The following OR2L13 variants were observed in gnomAD, a reference collection of about 807,000 sequenced individuals.
OR2L13 encodes the protein olfactory receptor 2L13.
OR2L13 carries 14 observed loss-of-function variants against 15.3 expected under a neutral mutation model. That is an observed-to-expected ratio of 0.91 (90% CI 0.60 to 1.43). The LOEUF is 1.43. Ranked by LOEUF, OR2L13 falls within the 40% of genes most tolerant of loss-of-function variation. The pLI, the probability that OR2L13 is intolerant of heterozygous loss-of-function variation, is 0.00. For synonymous variants in OR2L13, 152 were observed against 142.9 expected (o/e 1.06, Z -0.45); for missense variants, 367 against 387.9 (o/e 0.95, Z 0.45).
the OR2L13 span, among the ~76,000 whole-genome samples, chr1:248,008,426 G>GT: frequency 5.9e-5 from 9 of 152,012 alleles, no homozygotes; most frequent in African/African-American, 2.2e-4. Flanking sequence ...CAGCTTATGT[G>GT]TTTTTTTCTC....
At chr1:248,069,788 G>C in the OR2L13 span, among the ~76,000 whole-genome samples, 1 of 151,948 alleles carries the variant, frequency 6.6e-6, no homozygotes, top group Non-Finnish European at 1.5e-5. Flanking sequence ...AGATCTACCA[G>C]GGAAATGGAA....
chr1:248,038,495 T>A, the OR2L13 span: 1 of 1,613,970 alleles, frequency 6.2e-7, no homozygotes, highest in East Asian at 2.2e-5. Context: ...TCTCCACCAT[T>A]GTTCCAAAGA....
the OR2L13 span, among the ~76,000 whole-genome samples, chr1:248,028,138 C>A: frequency 1.8e-5 from 1 of 57,124 alleles, no homozygotes; most frequent in Non-Finnish European, 2.8e-5. Flanking sequence ...GAGATTCCGT[C>A]TCAAAAAAAA....
At chr1:247,985,769 C>T in the OR2L13 span, among the ~76,000 whole-genome samples, 1 of 151,714 alleles carries the variant, frequency 6.6e-6, no homozygotes, top group Non-Finnish European at 1.5e-5. Context: ...TCTCCAGCAC[C>T]TGTTGTTTCC....
At chr1:248,012,453 T>C in the OR2L13 span, among the ~76,000 whole-genome samples, 1 of 152,168 alleles carries the variant, frequency 6.6e-6, no homozygotes, top group African/African-American at 2.4e-5. Context: ...AAAGTCTTTC[T>C]TTCATACAGA....
chr1:248,022,203 T>C, the OR2L13 span: 1 of 1,614,138 alleles, frequency 6.2e-7, no homozygotes, highest in Non-Finnish European at 8.5e-7. Flanking sequence ...TGATTTTCTG[T>C]ATGGAAACAA....
the OR2L13 span, among the ~76,000 whole-genome samples, chr1:247,999,169 CA>C: frequency 1.3e-5 from 2 of 152,266 alleles, no homozygotes; most frequent in East Asian, 3.9e-4. Context: ...CATTCATCAA[CA>C]AAAGCTTACA....
chr1:247,979,496 C>T, the OR2L13 span, among the ~76,000 whole-genome samples: 1 of 152,076 alleles, frequency 6.6e-6, no homozygotes, highest in Non-Finnish European at 1.5e-5. Context: ...TGAACTCATC[C>T]TTTTTTATAG....
chr1:248,018,562 C>G, the OR2L13 span, among the ~76,000 whole-genome samples: 3 of 152,056 alleles, frequency 2.0e-5, no homozygotes, highest in African/African-American at 7.2e-5. Context: ...GGCTCAGAAA[C>G]TTGTAGGAAT....
the OR2L13 span, among the ~76,000 whole-genome samples, chr1:247,994,217 A>G: frequency 0.028 from 4,268 of 151,992 alleles, 168 homozygotes; most frequent in African/African-American, 0.098. Flanking sequence ...TAACACGGTG[A>G]AAACCCCGTC....
At chr1:248,033,609 G>GTT in the OR2L13 span, among the ~76,000 whole-genome samples, 5 of 136,188 alleles carry the variant, frequency 3.7e-5, no homozygotes, top group African/African-American at 1.3e-4. Flanking sequence ...GCTAATTTTT[G>GTT]TTTTTTTTTT....
the OR2L13 span, among the ~76,000 whole-genome samples, chr1:248,013,039 T>A: frequency 6.6e-6 from 1 of 151,728 alleles, no homozygotes; most frequent in Non-Finnish European, 1.5e-5. Context: ...TAAGAGAAAA[T>A]TGTTTTAAAA....
chr1:248,069,088 G>C, the OR2L13 span, among the ~76,000 whole-genome samples: 18 of 152,250 alleles, frequency 1.2e-4, no homozygotes, highest in African/African-American at 4.1e-4. Flanking sequence ...AATCTAGCAA[G>C]GCAGGCCAAA....
At chr1:248,015,899 A>C in the OR2L13 span, among the ~76,000 whole-genome samples, 1 of 152,178 alleles carries the variant, frequency 6.6e-6, no homozygotes, top group South Asian at 2.1e-4. Flanking sequence ...AACTGAGGAA[A>C]ATATAGGGAA....
At chr1:248,004,888 G>T in the OR2L13 span, among the ~76,000 whole-genome samples, 2 of 152,228 alleles carry the variant, frequency 1.3e-5, no homozygotes, top group Middle Eastern at 3.4e-3. Flanking sequence ...TGGGTCTGTT[G>T]TCAAAAATCA....
upstream of OR2L13, among the ~76,000 whole-genome samples, chr1:248,096,045 C>T (rs1664731176): frequency 6.6e-6 from 1 of 152,062 alleles, no homozygotes. Context: ...CATCAGGAAA[C>T]TCTCTGCTGC....
chr1:248,079,578 A>G, the OR2L13 span, among the ~76,000 whole-genome samples: 1 of 152,192 alleles, frequency 6.6e-6, no homozygotes, highest in African/African-American at 2.4e-5. Context: ...TACAGAAATT[A>G]ATATAATGTG....
upstream of OR2L13, among the ~76,000 whole-genome samples, chr1:248,093,589 C>T (rs189962446): frequency 4.7e-4 from 72 of 152,268 alleles, no homozygotes; most frequent in Non-Finnish European, 8.8e-4. Context: ...ATGGCTTTGT[C>T]CAGTTTCGTA....
the OR2L13 span, among the ~76,000 whole-genome samples, chr1:248,065,514 A>C: frequency 2.6e-4 from 39 of 151,366 alleles, no homozygotes; most frequent in African/African-American, 9.0e-4. Flanking sequence ...TACATGTGCC[A>C]TGCTGGTGCG....
Sources: gnomAD v4.1 joint callset for allele counts (sites outside exome capture counted in the v4.1 genomes callset) on GRCh38, gnomAD v4.1.1 for gene constraint, MANE v1.5 for transcripts, NCBI Gene and HGNC (gene_info 2026-07-23, HGNC 2026-07-21) for gene names.